SHANK2: variants seen among roughly 807,000 people sequenced by gnomAD.
SHANK2 encodes SH3 and multiple ankyrin repeat domains protein 2.
In SHANK2, 43 loss-of-function variants were observed where a neutral mutation model predicts 133.7. The observed-to-expected ratio is 0.32, with a 90% CI of 0.25 to 0.41. The LOEUF is 0.41. Among genes scored for constraint, SHANK2 ranks in the 10% least tolerant of loss-of-function variants. The pLI is 1.00. For synonymous variants in SHANK2, 1,017 were observed against 952.8 expected, an observed-to-expected ratio of 1.07 and a Z score of -1.24; for missense variants, 1,994 against 2,235.8, an observed-to-expected ratio of 0.89 and a Z score of 2.18.
chr11:70,870,840 G>A lies in SHANK2; in HGVS notation c.1174+25661C>T, dbSNP rs112242671. Among the ~76,000 whole-genome samples the A allele has an allele frequency of 3.3e-5, 5 of 152,266 alleles. No homozygotes were observed. The East Asian group carries it at 5.8e-4, about 18-fold the overall frequency. ...CGCCCAGGCTGGAGTGCAGTGGCAC[G>A]ATCTCGGCTCACTGCAGCCTCCGCC... On this transcript the variant is annotated intron_variant, in intron 11 of 25. Coordinates refer to ENST00000601538, the MANE Select transcript of SHANK2 (RefSeq NM_012309.5).
At chr11:70,575,278 A>G (rs1233827801) in intron 17 of SHANK2, among the ~76,000 whole-genome samples, 1 of 152,144 alleles carries the variant, frequency 6.6e-6, no homozygotes, top group Non-Finnish European at 1.5e-5. Flanking sequence ...TTGGGAGGCC[A>G]AGGTGGGCGG....
intron 17 of SHANK2, among the ~76,000 whole-genome samples, chr11:70,523,726 C>T (rs912570913): frequency 6.6e-6 from 1 of 152,148 alleles, no homozygotes; most frequent in African/African-American, 2.4e-5. Flanking sequence ...GGGCTGTGCA[C>T]GAATCAGGGG....
chr11:70,769,195 C>T (rs557841807), intron 14 of SHANK2, among the ~76,000 whole-genome samples: 1 of 152,262 alleles, frequency 6.6e-6, no homozygotes, highest in African/African-American at 2.4e-5. Flanking sequence ...GTTCCAGTTC[C>T]GGTCTCCTTC....
chr11:70,649,299 T>C (rs2061311127), intron 17 of SHANK2, among the ~76,000 whole-genome samples: 2 of 152,076 alleles, frequency 1.3e-5, no homozygotes, highest in Non-Finnish European at 2.9e-5. Flanking sequence ...CATCTGAAGA[T>C]CCTGGGGAGA....
At chr11:70,743,690 A>G (rs1260541620) in intron 14 of SHANK2, among the ~76,000 whole-genome samples, 1 of 152,164 alleles carries the variant, frequency 6.6e-6, no homozygotes, top group East Asian at 1.9e-4. Context: ...GAGAGCCCCC[A>G]CGGGAAGTTG....
At chr11:70,857,788 C>T (rs1160011314) in intron 11 of SHANK2, among the ~76,000 whole-genome samples, 2 of 152,174 alleles carry the variant, frequency 1.3e-5, no homozygotes, top group Admixed American at 6.5e-5. Context: ...GACACAATGA[C>T]CCTTGAAGGC....
intron 17 of SHANK2, among the ~76,000 whole-genome samples, chr11:70,520,777 C>T (rs1389179856): frequency 1.3e-5 from 2 of 152,212 alleles, no homozygotes; most frequent in Admixed American, 6.5e-5. Context: ...AGTGTGGACC[C>T]ATGAATACTC....
intron 14 of SHANK2, among the ~76,000 whole-genome samples, chr11:70,716,162 C>T (rs991033233): frequency 2.0e-5 from 3 of 152,198 alleles, no homozygotes; most frequent in Non-Finnish European, 4.4e-5. Flanking sequence ...CCCGGCCAAT[C>T]AGAGCACCTC....
intron 3 of SHANK2, among the ~76,000 whole-genome samples, chr11:71,139,802 G>A (rs1270045883): frequency 1.3e-5 from 2 of 152,180 alleles, no homozygotes; most frequent in Admixed American, 6.5e-5. Context: ...TGAGGGCTCC[G>A]GTTGTGCCTG....
intron 6 of SHANK2, among the ~76,000 whole-genome samples, chr11:71,108,713 C>T (rs61887383): frequency 6.6e-6 from 1 of 152,232 alleles, no homozygotes; most frequent in South Asian, 2.1e-4. Context: ...CACCTTCCTT[C>T]TTTCCCCCTA....
chr11:71,190,979 T>A (rs1393624947), intron 2 of SHANK2, among the ~76,000 whole-genome samples: 2 of 151,978 alleles, frequency 1.3e-5, no homozygotes, highest in Non-Finnish European at 2.9e-5. Flanking sequence ...TCTACGCCAC[T>A]TCTCAGAGGA....
At chr11:71,062,632 T>C (rs1389099787) in intron 9 of SHANK2, among the ~76,000 whole-genome samples, 3 of 152,174 alleles carry the variant, frequency 2.0e-5, no homozygotes, top group Admixed American at 2.0e-4. Flanking sequence ...ATGAGAGCCC[T>C]GCTCAGGGAG....
chr11:70,845,265 G>C (rs1335578427), intron 11 of SHANK2, among the ~76,000 whole-genome samples: 2 of 151,214 alleles, frequency 1.3e-5, no homozygotes, highest in African/African-American at 4.9e-5. Flanking sequence ...TCTAAAATGA[G>C]GTATAGAGAA....
chr11:70,690,023 C>G (rs1426180910), intron 15 of SHANK2, among the ~76,000 whole-genome samples: 1 of 152,030 alleles, frequency 6.6e-6, no homozygotes, highest in East Asian at 1.9e-4. Flanking sequence ...TTCCAGATAC[C>G]TTTTGTTGAA....
intron 15 of SHANK2, among the ~76,000 whole-genome samples, chr11:70,673,004 G>C (rs947080988): frequency 3.3e-5 from 5 of 152,380 alleles, no homozygotes; most frequent in African/African-American, 9.6e-5. Flanking sequence ...AGCTTCATCA[G>C]TGCTCCTGAC....
At chr11:70,942,878 T>G (rs1390627742) in intron 10 of SHANK2, 3 of 456,488 alleles carry the variant, frequency 6.6e-6, no homozygotes, top group African/African-American at 6.0e-5. Context: ...CCTGTTCACT[T>G]ACATTTGTTA....
At chr11:70,832,753 C>T (rs760346245) in intron 11 of SHANK2, among the ~76,000 whole-genome samples, 7 of 152,172 alleles carry the variant, frequency 4.6e-5, no homozygotes, top group Non-Finnish European at 8.8e-5. Flanking sequence ...TGCATGTACC[C>T]AGTGGAGGCC....
rs782059250 is a variant in SHANK2, at chr11:70,807,951, C to T, written c.1494-780G>A. 2.6e-5 allele frequency among the ~76,000 whole-genome samples: 4 copies of T among 152,094 alleles called. No homozygotes were observed. In the South Asian group the frequency reaches 6.2e-4, roughly 24 times the overall value. On this transcript the variant is annotated intron_variant, in intron 12 of 25. Coordinates refer to ENST00000601538, the MANE Select transcript of SHANK2 (RefSeq NM_012309.5). This position sits in a 1 kb window ranked among gnomAD's most constrained non-coding sequence, Gnocchi z 4.8. Reference sequence around the variant, plus strand: ...GTGTGATCCCAGCCATGCGAGGGCCCGAGAGCAGTCAGATTCATGGACACA... The same window carrying T: ...GTGTGATCCCAGCCATGCGAGGGCCTGAGAGCAGTCAGATTCATGGACACA...
intron 14 of SHANK2, among the ~76,000 whole-genome samples, chr11:70,716,895 G>GCCC (rs60827522): frequency 1.1e-3 from 148 of 138,410 alleles, no homozygotes; most frequent in African/African-American, 4.2e-3. Flanking sequence ...GGGTCCCGGA[G>GCCC]CCCCCCCCCC....
Sources: gnomAD v4.1 joint callset for allele counts (sites outside exome capture counted in the v4.1 genomes callset) on GRCh38, gnomAD v4.1.1 for gene constraint, Gnocchi (gnomAD v3.1) non-coding constraint, MANE v1.5 for transcripts, NCBI Gene and HGNC (gene_info 2026-07-23, HGNC 2026-07-21) for gene names.